Variants in RPTOR observed in about 807,000 individuals in gnomAD.
RPTOR encodes regulatory-associated protein of mTOR.
Under a neutral mutation model 169.9 loss-of-function variants are expected in RPTOR, and 21 were observed. The ratio of observed to expected loss-of-function variants is 0.12; its 90% CI spans 0.09 to 0.18. The LOEUF (loss-of-function observed/expected upper bound fraction) is 0.18, where lower values mean the gene tolerates loss of function less well. RPTOR is among the 10% of genes least tolerant of loss of function. The pLI, the probability that RPTOR is intolerant of heterozygous loss-of-function variation, is 1.00. For missense variants in RPTOR, 1,133 were observed against 1,855.9 expected (o/e 0.61, Z 7.16); for synonymous variants, 732 against 753.2 (o/e 0.97, Z 0.46).
intron 7 of RPTOR, among the ~76,000 whole-genome samples, chr17:80,821,572 T>TC (rs1192244455): frequency 2.0e-5 from 3 of 152,040 alleles, no homozygotes; most frequent in Admixed American, 6.5e-5. Flanking sequence ...AGCAGCCTCA[T>TC]CCCCCCGCCC....
At chr17:80,961,095 G>T in intron 30 of RPTOR, 1 of 417,258 alleles carries the variant, frequency 2.4e-6, no homozygotes, top group Non-Finnish European at 4.3e-6. Flanking sequence ...TGCGATGGCC[G>T]CCTGGCCCCC....
Position 80,700,739 on chromosome 17 carries a change from GTGGTGGTGGTGGTGATGATGGTGA to G in RPTOR, c.349-7096_349-7073del, listed in dbSNP as rs1567864695. ...GGTGGTGGTGGTGGTGATGATGGTG[GTGGTGGTGGTGGTGATGATGGTGA>G]TGGTGATGGTAGAGATGATGATGGT... On this transcript the variant is annotated intron_variant, in intron 3 of 33. Coordinates refer to ENST00000306801, the MANE Select transcript of RPTOR (RefSeq NM_020761.3). 1.7e-3 allele frequency among the ~76,000 whole-genome samples: 18 copies of G among 10,672 alleles called. 1 individual carries two copies. The highest frequency in any genetic ancestry group is 2.9e-3 in the Admixed American group (3 of 1,036). The allele number at this position is 10,672 out of a possible 152,430, so 7.0% of individuals were successfully genotyped here.
rs1448086035 is a variant in RPTOR at position 80,708,762 on chromosome 17, GCT to G, written c.507+766_507+767del. 5.3e-6 allele frequency: 1 copy of G among 189,792 alleles called. No individual in the cohort carries two copies. The highest frequency in any genetic ancestry group is 1.9e-4 in the East Asian group (1 of 5,352). The allele number at this position is 189,792 out of a possible 1,614,324, so 11.8% of individuals were successfully genotyped here. A position where few individuals can be genotyped will look rare whatever the true frequency, so the allele number is the denominator to read the frequency against. On this transcript the variant is annotated intron_variant, in intron 4 of 33. Coordinates refer to ENST00000306801, the MANE Select transcript of RPTOR (RefSeq NM_020761.3). This position sits in a 1 kb window ranked among gnomAD's most constrained non-coding sequence, Gnocchi z 4.2. ...AGCAGCCAGCTATGGGTCTCACTGC[GCT>G]CTGCGTGATGCATGAAAAGCAGTTC...
At chr17:80,676,043 C>G (rs1233160126) in intron 3 of RPTOR, among the ~76,000 whole-genome samples, 2 of 152,152 alleles carry the variant, frequency 1.3e-5, no homozygotes, top group Non-Finnish European at 2.9e-5. Flanking sequence ...AGCTGAGTGT[C>G]TAGTATCAAG....
chr17:80,919,296 C>T (rs1235409810), intron 21 of RPTOR, among the ~76,000 whole-genome samples: 1 of 152,202 alleles, frequency 6.6e-6, no homozygotes. Flanking sequence ...CCCCACCAAG[C>T]AGCCAGCGGC....
At chr17:80,691,667 ACTT>A (rs2065992992) in intron 3 of RPTOR, among the ~76,000 whole-genome samples, 1 of 152,014 alleles carries the variant, frequency 6.6e-6, no homozygotes, top group South Asian at 2.1e-4. Flanking sequence ...GCCATTTTGT[ACTT>A]CTTCTACCCT....
intron 23 of RPTOR, among the ~76,000 whole-genome samples, chr17:80,924,834 G>A (rs537199520): frequency 3.9e-5 from 6 of 152,168 alleles, no homozygotes; most frequent in African/African-American, 1.2e-4. Context: ...AGCCCTGGCC[G>A]CCACAGGTTC....
chr17:80,843,347 AG>A (rs1345156753), intron 10 of RPTOR, among the ~76,000 whole-genome samples: 1 of 152,128 alleles, frequency 6.6e-6, no homozygotes, highest in Non-Finnish European at 1.5e-5. Flanking sequence ...TCTTGAACCC[AG>A]GGGCAGAGGT....
intron 3 of RPTOR, among the ~76,000 whole-genome samples, chr17:80,681,040 C>T (rs543033155): frequency 3.3e-5 from 5 of 152,172 alleles, no homozygotes; most frequent in East Asian, 1.9e-4. Flanking sequence ...CCACTCAGGA[C>T]GGGGCTTCAA....
intron 1 of RPTOR, among the ~76,000 whole-genome samples, chr17:80,555,659 A>T (rs553584681): frequency 1.3e-5 from 2 of 152,352 alleles, no homozygotes; most frequent in Non-Finnish European, 2.9e-5. Context: ...TGACATTATT[A>T]CGGGGAGCAT....
chr17:80,598,919 T>TCTATCTAC (rs1208364567), intron 1 of RPTOR, among the ~76,000 whole-genome samples: 2 of 151,260 alleles, frequency 1.3e-5, no homozygotes, highest in African/African-American at 4.9e-5. Context: ...TATCTATCTA[T>TCTATCTAC]CTATCTATCT....
intron 13 of RPTOR, among the ~76,000 whole-genome samples, chr17:80,863,657 G>A (rs1410184288): frequency 6.6e-6 from 1 of 152,254 alleles, no homozygotes; most frequent in Non-Finnish European, 1.5e-5. Context: ...GCTCACGTCT[G>A]TAATCTCAGC....
At chr17:80,770,925 C>T (rs1325990791) in intron 6 of RPTOR, among the ~76,000 whole-genome samples, 2 of 152,260 alleles carry the variant, frequency 1.3e-5, no homozygotes, top group Non-Finnish European at 2.9e-5. Context: ...TGTCACCACT[C>T]AGCTTCTCCC....
At chr17:80,588,982 CA>C (rs1226988518) in intron 1 of RPTOR, among the ~76,000 whole-genome samples, 1 of 152,102 alleles carries the variant, frequency 6.6e-6, no homozygotes, top group African/African-American at 2.4e-5. Context: ...ACCTTAAGGT[CA>C]AGATTTTGTC....
intron 1 of RPTOR, among the ~76,000 whole-genome samples, chr17:80,566,987 T>C (rs1373453163): frequency 6.6e-6 from 1 of 152,116 alleles, no homozygotes; most frequent in African/African-American, 2.4e-5. Context: ...CTTTTTTTTT[T>C]TGAGACAGAG....
intron 1 of RPTOR, chr17:80,602,867 C>T (rs2065200717): frequency 4.0e-6 from 2 of 504,326 alleles, no homozygotes; most frequent in African/African-American, 2.0e-5. Flanking sequence ...CTCGGGTCAC[C>T]ACCTCGCTGA....
intron 13 of RPTOR, among the ~76,000 whole-genome samples, chr17:80,877,040 C>T (rs1175938008): frequency 2.2e-5 from 3 of 135,520 alleles, no homozygotes; most frequent in Admixed American, 7.5e-5. Flanking sequence ...GAGCCCGTGC[C>T]GCCCAGGATG....
At chr17:80,706,467 T>TCA (rs1386179137) in intron 3 of RPTOR, among the ~76,000 whole-genome samples, 18 of 152,242 alleles carry the variant, frequency 1.2e-4, no homozygotes, top group Non-Finnish European at 2.4e-4. Flanking sequence ...TCAGGTTCTC[T>TCA]GGAAGTTGGC....
chr17:80,608,473 G>T (rs967638753), intron 1 of RPTOR, among the ~76,000 whole-genome samples: 1 of 152,086 alleles, frequency 6.6e-6, no homozygotes, highest in African/African-American at 2.4e-5. Flanking sequence ...GTTTGTCACC[G>T]ATAATCCAGA....
Sources: allele counts gnomAD v4.1 joint callset (sites outside exome capture counted in the v4.1 genomes callset), GRCh38; gene constraint gnomAD v4.1.1; non-coding constraint Gnocchi (gnomAD v3.1); transcripts MANE v1.5; gene names NCBI Gene and HGNC (gene_info 2026-07-23, HGNC 2026-07-21).